Variants in TRABD2B observed in about 807,000 individuals in gnomAD.
TRABD2B encodes the protein metalloprotease TIKI2.
In TRABD2B, 14 loss-of-function variants were observed where a neutral mutation model predicts 40.1. The observed-to-expected ratio is 0.35, with a 90% CI of 0.23 to 0.55. The LOEUF is 0.55. Ranked by LOEUF, TRABD2B falls within the 20% of genes least tolerant of loss-of-function variation. The pLI is 0.90. For missense variants in TRABD2B, 541 were observed against 648.6 expected (o/e 0.83, Z 1.80); for synonymous variants, 263 against 277.0 (o/e 0.95, Z 0.50).
chr1:47,799,596 G>A (rs1435036219), intron 3 of TRABD2B, among the ~76,000 whole-genome samples: 1 of 152,166 alleles, frequency 6.6e-6, no homozygotes, highest in Non-Finnish European at 1.5e-5. Flanking sequence ...GACCAAGATA[G>A]GCAGCACACC....
Position 47,996,827 on chromosome 1 carries a change from G to C in TRABD2B, c.-38C>G. 8.5e-7 allele frequency: 1 copy of C among 1,172,786 alleles called. No homozygotes were observed. The highest frequency in any genetic ancestry group is 1.6e-5 in the African/African-American group (1 of 62,188). The allele number at this position is 1,172,786 out of a possible 1,614,324, so 72.6% of individuals were successfully genotyped here. A position where few individuals can be genotyped will look rare whatever the true frequency, so the allele number is the denominator to read the frequency against. ...CGCGGGGCGCGGGGGACCCTCCTGG[G>C]CGGCGCCCCTCAGCGGGGCGGGGAG... is the stretch of plus-strand genomic sequence containing the variant. On this transcript the variant is annotated 5_prime_UTR_variant, in exon 1 of 7. Coordinates refer to ENST00000606738, the MANE Select transcript of TRABD2B (RefSeq NM_001194986.2). This position sits in a 1 kb window ranked among gnomAD's most constrained non-coding sequence, Gnocchi z 4.6.
chr1:47,954,656 T>C (rs1645392839), intron 2 of TRABD2B, among the ~76,000 whole-genome samples: 1 of 152,166 alleles, frequency 6.6e-6, no homozygotes, highest in Non-Finnish European at 1.5e-5. Context: ...TCACTGTGTG[T>C]GTGTCTGTAT....
At chr1:47,773,799 C>T (rs1163934904) in intron 6 of TRABD2B, among the ~76,000 whole-genome samples, 1 of 152,206 alleles carries the variant, frequency 6.6e-6, no homozygotes, top group Non-Finnish European at 1.5e-5. Flanking sequence ...GTACATTTCT[C>T]AGTAACCCAA....
At chr1:47,832,829 G>C (rs555858102) in intron 2 of TRABD2B, among the ~76,000 whole-genome samples, 2 of 152,208 alleles carry the variant, frequency 1.3e-5, no homozygotes, top group Admixed American at 6.5e-5. Context: ...AGTGGGGCAG[G>C]GGGAGGCACG....
At chr1:47,770,501 T>C (rs1644364235) in intron 6 of TRABD2B, among the ~76,000 whole-genome samples, 1 of 152,200 alleles carries the variant, frequency 6.6e-6, no homozygotes, top group African/African-American at 2.4e-5. Context: ...ACAGGCTTGT[T>C]TTCTAATAGC....
intron 2 of TRABD2B, among the ~76,000 whole-genome samples, chr1:47,856,819 T>C (rs1643896693): frequency 6.6e-6 from 1 of 152,222 alleles, no homozygotes; most frequent in Admixed American, 6.5e-5. Context: ...GATCTTTATC[T>C]TGATAAATGA....
At chr1:47,931,191 T>A (rs1332973333) in intron 2 of TRABD2B, among the ~76,000 whole-genome samples, 5 of 152,210 alleles carry the variant, frequency 3.3e-5, no homozygotes, top group Non-Finnish European at 7.3e-5. Context: ...ATAGGCCACT[T>A]GTCCTGTACA....
intron 2 of TRABD2B, among the ~76,000 whole-genome samples, chr1:47,904,944 AT>A (rs774404714): frequency 2.4e-4 from 36 of 152,308 alleles, no homozygotes; most frequent in Admixed American, 4.6e-4. Flanking sequence ...AATTAATCAG[AT>A]TTAAGTTAAC....
At chr1:47,874,252 ATTTTTTTTTT>A (rs61411862) in intron 2 of TRABD2B, among the ~76,000 whole-genome samples, 11 of 90,520 alleles carry the variant, frequency 1.2e-4, no homozygotes, top group African/African-American at 4.5e-4. Flanking sequence ...TGATTAATTA[ATTTTTTTTTT>A]TTTTTTTTTT....
intron 2 of TRABD2B, among the ~76,000 whole-genome samples, chr1:47,975,912 C>A (rs6697486): frequency 6.6e-6 from 1 of 152,054 alleles, no homozygotes; most frequent in African/African-American, 2.4e-5. Flanking sequence ...GAGGGCACCC[C>A]AGGGTAAGCA....
At chr1:47,775,782 G>A (rs1644437376) in intron 5 of TRABD2B, among the ~76,000 whole-genome samples, 1 of 152,192 alleles carries the variant, frequency 6.6e-6, no homozygotes, top group Admixed American at 6.5e-5. Flanking sequence ...AACAGAGGAT[G>A]CCAGACGCTG....
At chr1:47,936,476 G>A (rs1023894299) in intron 2 of TRABD2B, among the ~76,000 whole-genome samples, 5 of 152,210 alleles carry the variant, frequency 3.3e-5, no homozygotes, top group African/African-American at 1.2e-4. Flanking sequence ...GCCTAGAGAT[G>A]TCAGGAGAGG....
chr1:47,807,738 T>C (rs1644911791), intron 2 of TRABD2B, among the ~76,000 whole-genome samples: 1 of 152,202 alleles, frequency 6.6e-6, no homozygotes. Context: ...TTAGGTATTG[T>C]TAGCTTTACA....
At chr1:47,861,280 T>C (rs1570146437) in intron 2 of TRABD2B, among the ~76,000 whole-genome samples, 1 of 148,990 alleles carries the variant, frequency 6.7e-6, no homozygotes, top group African/African-American at 2.5e-5. Flanking sequence ...CAAATGGTGG[T>C]GGTGGGGGTG....
chr1:47,830,680 T>C (rs960381452), intron 2 of TRABD2B, among the ~76,000 whole-genome samples: 1 of 152,224 alleles, frequency 6.6e-6, no homozygotes, highest in Non-Finnish European at 1.5e-5. Flanking sequence ...CTCCAAGGCC[T>C]GTTATCTCTT....
chr1:47,917,687 T>C (rs1360917208), intron 2 of TRABD2B, among the ~76,000 whole-genome samples: 3 of 152,064 alleles, frequency 2.0e-5, no homozygotes, highest in Admixed American at 6.5e-5. Flanking sequence ...TGAGCTATGA[T>C]TGCACCACTG....
In TRABD2B at chr1:47,996,886, C is replaced by G; in HGVS notation, c.-97G>C. The G allele has an allele frequency of 8.8e-7, 1 of 1,134,322 alleles. No homozygotes were observed. 70.3% of individuals were successfully genotyped at this position (1,134,322 alleles called of 1,614,324 possible). A position where few individuals can be genotyped will look rare whatever the true frequency, so the allele number is the denominator to read the frequency against. On this transcript the variant is annotated 5_prime_UTR_variant, in exon 1 of 7. Transcript: ENST00000606738. This position sits in a 1 kb window ranked among gnomAD's most constrained non-coding sequence, Gnocchi z 4.6. ...TGGGCACGGAGTTTCCTCTGGAGCA[C>G]GGGGCTCCAGCCGCAGGATGCTGGG...
In TRABD2B at chr1:47,843,436, T is replaced by C. The variant is rs113266648; in HGVS notation, c.667-41817A>G. Among the ~76,000 whole-genome samples the C allele has an allele frequency of 2.0e-5, 3 of 152,238 alleles. 1 individual carries two copies. The highest frequency in any genetic ancestry group is 7.2e-5 in the African/African-American group (3 of 41,544). On this transcript the variant is annotated intron_variant, in intron 2 of 6. Transcript: ENST00000606738. Reference sequence around the variant, plus strand: ...GCAAGAGGAGTCAGCATGAGCCCCGTTGATCTGGCCTGAGCAACTGTCGGA... The same window carrying C: ...GCAAGAGGAGTCAGCATGAGCCCCGCTGATCTGGCCTGAGCAACTGTCGGA...
intron 4 of TRABD2B, among the ~76,000 whole-genome samples, chr1:47,791,076 C>A (rs950313356): frequency 6.6e-6 from 1 of 152,208 alleles, no homozygotes; most frequent in African/African-American, 2.4e-5. Context: ...AGAGGAGAAG[C>A]CAGACTGCAG....
Sources: allele counts gnomAD v4.1 joint callset (sites outside exome capture counted in the v4.1 genomes callset), GRCh38; gene constraint gnomAD v4.1.1; non-coding constraint Gnocchi (gnomAD v3.1); transcripts MANE v1.5; gene names NCBI Gene and HGNC (gene_info 2026-07-23, HGNC 2026-07-21).